The following CNTN3 variants were observed in gnomAD, a reference collection of about 807,000 sequenced individuals.
CNTN3 encodes the protein contactin 3.
In CNTN3, 60 loss-of-function variants were observed where a neutral mutation model predicts 119.1. The observed-to-expected ratio is 0.50, with a 90% CI of 0.41 to 0.62. The LOEUF is 0.62. Ranked by LOEUF, CNTN3 falls within the 20% of genes least tolerant of loss-of-function variation. The pLI is 0.00. For missense variants in CNTN3, 1,101 were observed against 1,242.4 expected, an observed-to-expected ratio of 0.89 and a Z score of 1.71; for synonymous variants, 450 against 438.7, an observed-to-expected ratio of 1.03 and a Z score of -0.32.
At chr3:74,565,199 A>G (rs1704208715) in intron 1 of CNTN3, among the ~76,000 whole-genome samples, 1 of 152,180 alleles carries the variant, frequency 6.6e-6, no homozygotes, top group South Asian at 2.1e-4. Flanking sequence ...AGGAGGTCAG[A>G]AGTCTGAAAC....
In CNTN3 at chr3:74,369,640, GA is replaced by G. The variant is rs74435185; in HGVS notation, c.761+248del. ...ATATTAGATTACAGCAAATGAACAA[GA>G]AAAAAAAAAACCCACCAATTTATTT... On this transcript the variant is annotated intron_variant, in intron 7 of 22. Coordinates refer to ENST00000263665, the MANE Select transcript of CNTN3 (RefSeq NM_020872.3). Among the ~76,000 whole-genome samples, 238 of 143,124 alleles carry G rather than the reference GA, an allele frequency of 1.7e-3. No homozygotes were observed. In the East Asian group the frequency reaches 0.023, roughly 14 times the overall value. The allele number at this position is 143,124 out of a possible 152,430, so 93.9% of individuals were successfully genotyped here.
intron 11 of CNTN3, among the ~76,000 whole-genome samples, chr3:74,348,945 G>T (rs1281959051): frequency 1.3e-5 from 2 of 151,932 alleles, no homozygotes; most frequent in African/African-American, 2.4e-5. Flanking sequence ...AATTACCAAG[G>T]TGTGGTAGCA....
At chr3:74,544,275 A>G (rs1270766358) in intron 1 of CNTN3, among the ~76,000 whole-genome samples, 1 of 152,248 alleles carries the variant, frequency 6.6e-6, no homozygotes, top group Non-Finnish European at 1.5e-5. Context: ...GAATAGCTCA[A>G]GAATATAACA....
chr3:74,477,849 A>T (rs1211122111), intron 4 of CNTN3, among the ~76,000 whole-genome samples: 2 of 152,014 alleles, frequency 1.3e-5, no homozygotes, highest in Admixed American at 6.6e-5. Context: ...TTAAAAATTT[A>T]AAAAAATTAA....
At chr3:74,475,285 T>C (rs1702634627) in intron 4 of CNTN3, among the ~76,000 whole-genome samples, 1 of 152,112 alleles carries the variant, frequency 6.6e-6, no homozygotes, top group Non-Finnish European at 1.5e-5. Context: ...TTGGTTAAAA[T>C]ACAACAAAAT....
At chr3:74,377,180 A>G (rs2106802541) in intron 5 of CNTN3, among the ~76,000 whole-genome samples, 1 of 152,224 alleles carries the variant, frequency 6.6e-6, no homozygotes, top group Admixed American at 6.5e-5. Flanking sequence ...GGTATGGAGA[A>G]ATTTGTAGCA....
chr3:74,334,913 A>G lies in CNTN3; in HGVS notation c.1493-3T>C, dbSNP rs1303586754. On this transcript the variant is annotated splice_region_variant and splice_polypyrimidine_tract_variant and intron_variant, in intron 12 of 22. Coordinates refer to ENST00000263665, the MANE Select transcript of CNTN3 (RefSeq NM_020872.3). ...TGCCAAAGTTATTCTTGTTGGTTCTATTGGGGAAATAATTTTTCAGAAAAA... is the reference window on the plus strand; with the variant it reads ...TGCCAAAGTTATTCTTGTTGGTTCTGTTGGGGAAATAATTTTTCAGAAAAA... The G allele has an allele frequency of 1.2e-6, 2 of 1,600,102 alleles. No homozygotes were observed. The highest frequency in any genetic ancestry group is 1.7e-6 in the Non-Finnish European group (2 of 1,174,448).
chr3:74,414,515 C>A (rs972171338), intron 5 of CNTN3, among the ~76,000 whole-genome samples: 1 of 152,156 alleles, frequency 6.6e-6, no homozygotes, highest in African/African-American at 2.4e-5. Flanking sequence ...TGAATCAAGA[C>A]TCTCCTGGGT....
chr3:74,562,076 C>A (rs1178067223), intron 1 of CNTN3, among the ~76,000 whole-genome samples: 3 of 152,172 alleles, frequency 2.0e-5, no homozygotes, highest in East Asian at 1.9e-4. Flanking sequence ...TTCACTTAAA[C>A]CCTTGGGACC....
intron 4 of CNTN3, among the ~76,000 whole-genome samples, chr3:74,452,719 G>T: frequency 7.1e-6 from 1 of 140,144 alleles, no homozygotes; most frequent in South Asian, 2.3e-4. Flanking sequence ...AGAGTTTTTA[G>T]CATGAAGAGT....
chr3:74,267,503 T>C (rs1201020854), intron 20 of CNTN3, 125 bp from the exon 21 acceptor site: 1 of 621,654 alleles, frequency 1.6e-6, no homozygotes, highest in East Asian at 2.6e-5. Context: ...TAATGCTTGG[T>C]GTAATAGATG....
At chr3:74,293,760 C>G (rs1702280875) in intron 19 of CNTN3, among the ~76,000 whole-genome samples, 1 of 152,324 alleles carries the variant, frequency 6.6e-6, no homozygotes, top group African/African-American at 2.4e-5. Flanking sequence ...CAGGCGCAAG[C>G]CACCACACCT....
intron 5 of CNTN3, among the ~76,000 whole-genome samples, chr3:74,387,436 A>G (rs920264584): frequency 6.6e-6 from 1 of 152,242 alleles, no homozygotes; most frequent in Non-Finnish European, 1.5e-5. Context: ...GAAAGTTAAT[A>G]GGACTGAGCT....
chr3:74,285,776 G>C (rs373054287), intron 19 of CNTN3, among the ~76,000 whole-genome samples: 8 of 130,392 alleles, frequency 6.1e-5, no homozygotes, highest in African/African-American at 2.2e-4. Context: ...TTATAAGTGG[G>C]AGAATGAAGG....
intron 18 of CNTN3, among the ~76,000 whole-genome samples, chr3:74,297,170 G>C (rs1373196292): frequency 6.6e-6 from 1 of 152,078 alleles, no homozygotes; most frequent in Admixed American, 6.6e-5. Flanking sequence ...CTTTTCTCAG[G>C]CCATGGGAAC....
intron 1 of CNTN3, among the ~76,000 whole-genome samples, chr3:74,536,918 T>C (rs1703773190): frequency 6.6e-6 from 1 of 151,966 alleles, no homozygotes; most frequent in South Asian, 2.1e-4. Flanking sequence ...AGCTGCCAGG[T>C]GCCTACCCAC....
chr3:74,554,310 G>C (rs1704037600), intron 1 of CNTN3, among the ~76,000 whole-genome samples: 1 of 152,102 alleles, frequency 6.6e-6, no homozygotes, highest in Non-Finnish European at 1.5e-5. Flanking sequence ...ATGCTGTTTT[G>C]GTTACTGTAG....
intron 3 of CNTN3, among the ~76,000 whole-genome samples, chr3:74,490,916 T>C (rs550113933): frequency 6.6e-6 from 1 of 152,316 alleles, no homozygotes; most frequent in African/African-American, 2.4e-5. Context: ...TAATTATTTT[T>C]CTCCTGCCTA....
In CNTN3 at chr3:74,335,324, G is replaced by A. The variant is rs148238925; in HGVS notation, c.1493-414C>T. On this transcript the variant is annotated intron_variant, in intron 12 of 22. Coordinates refer to ENST00000263665, the MANE Select transcript of CNTN3 (RefSeq NM_020872.3). ...ATCAAAATCTAAACAGACATTTAATGGTAGCCTGGATTTGAAAGATATAAT... is the reference window on the plus strand; with the variant it reads ...ATCAAAATCTAAACAGACATTTAATAGTAGCCTGGATTTGAAAGATATAAT... Among the ~76,000 whole-genome samples the A allele has an allele frequency of 4.7e-4, 71 of 152,164 alleles. 1 individual carries two copies. The highest frequency in any genetic ancestry group is 4.5e-3 in the Admixed American group (68 of 15,280).
Sources: gnomAD v4.1 joint callset for allele counts (sites outside exome capture counted in the v4.1 genomes callset) on GRCh38, gnomAD v4.1.1 for gene constraint, MANE v1.5 for transcripts, NCBI Gene and HGNC (gene_info 2026-07-23, HGNC 2026-07-21) for gene names.